TTN: variants seen among roughly 807,000 people sequenced by gnomAD.
TTN encodes the protein titin, also known as connectin.
In TTN, 1,525 loss-of-function variants were observed where a neutral mutation model predicts 3,223.0. The ratio of observed to expected loss-of-function variants is 0.47; its 90% CI spans 0.45 to 0.49. The LOEUF (loss-of-function observed/expected upper bound fraction) is 0.49. TTN is among the 20% of genes least tolerant of loss of function. TTN has a pLI of 0.00. For synonymous variants in TTN, 14,094 were observed against 15,161.0 expected, an observed-to-expected ratio of 0.93 and a Z score of 5.17; for missense variants, 40,786 against 43,424.0, an observed-to-expected ratio of 0.94 and a Z score of 5.40.
In TTN at chr2:178,739,077, C is replaced by G. The variant is rs1451816912; in HGVS notation, c.14092+64G>C. On this transcript the variant is annotated intron_variant, in intron 48 of 362. Coordinates refer to ENST00000589042, the MANE Select transcript of TTN (RefSeq NM_001267550.2). Reference sequence around the variant, plus strand: ...CAGATAAGTGAAAATTTAAGTGATGCAAGCTAAATCATTACAATCCAGTGA... The same window carrying G: ...CAGATAAGTGAAAATTTAAGTGATGGAAGCTAAATCATTACAATCCAGTGA... The G allele has an allele frequency of 5.5e-6, 8 of 1,448,406 alleles. No individual in the cohort carries two copies. The East Asian group carries it at 1.7e-4, about 30-fold the overall frequency. 89.7% of individuals were successfully genotyped at this position (1,448,406 alleles called of 1,614,324 possible).
rs763375724 is a variant in TTN at position 178,620,651 on chromosome 2, G to A, written c.45896-26C>T. ...CTGTTGTAAAGGAGAAAAATATGTT[G>A]ATTTTAATTATTTTTATAACAGAAA... On this transcript the variant is annotated intron_variant, in intron 247 of 362. Coordinates refer to ENST00000589042, the MANE Select transcript of TTN (RefSeq NM_001267550.2). 2.1e-5 allele frequency: 34 copies of A among 1,600,740 alleles called. No individual in the cohort carries two copies. In the South Asian group the frequency reaches 3.8e-4, roughly 18 times the overall value.
chr2:178,581,712 T>G lies in TTN; in HGVS notation c.66556A>C (p.Ser22186Arg), dbSNP rs540482798. The G allele has an allele frequency of 1.2e-6, 2 of 1,611,220 alleles. No individual in the cohort carries two copies. The highest frequency in any genetic ancestry group is 2.2e-5 in the South Asian group (2 of 90,802). The change falls in exon 316 of 363, where the codon AGC becomes CGC. Residue 22186 changes from serine to arginine, a missense_variant. Physicochemically the swap from Ser to Arg is moderately radical, Grantham distance 110. Transcript: ENST00000589042. Reference sequence around the variant, plus strand: ...TCAACGAGATAACCAATGATAGGGCTGCCGCCGTCATAGGCTGGCTTGCCC... The same window carrying G: ...TCAACGAGATAACCAATGATAGGGCGGCCGCCGTCATAGGCTGGCTTGCCC... ...SWGKPAYDGGSPIIGYLVEVK... is the reference protein window; with the variant it reads ...SWGKPAYDGGRPIIGYLVEVK...
rs1033900652 is a variant in TTN at position 178,593,012 on chromosome 2, G to C, written c.59107C>G (p.Pro19703Ala). 10 of 1,613,312 alleles carry C rather than the reference G, an allele frequency of 6.2e-6. No homozygotes were observed. The highest frequency in any genetic ancestry group is 8.5e-6 in the Non-Finnish European group (10 of 1,179,626). Residue 19703 changes from proline (P) to alanine (A), a missense_variant, in exon 300 of 363, where the codon CCA becomes GCA. By Grantham distance (27) the Pro-to-Ala change is conservative (BLOSUM62 -1). Transcript: ENST00000589042. Reference protein sequence around the residue: ...TCNSVDLTWQPPRHDGGSKIL... With the variant: ...TCNSVDLTWQAPRHDGGSKIL... ...TTGCTCCCACCATCATGACGTGGTG[G>C]CTGCCAAGTTAGATCGACTGAATTG... is the stretch of plus-strand genomic sequence containing the variant.
In TTN at chr2:178,553,043, G is replaced by A; in HGVS notation, c.89857C>T (p.Leu29953Phe). The A allele has an allele frequency of 1.2e-6, 2 of 1,612,126 alleles. No individual in the cohort carries two copies. Among genetic ancestry groups the A allele is most frequent in the Non-Finnish European group, 1.7e-6 (2 of 1,179,710 alleles). ...KHVSRGTVTL[L>F]WDPPLIDGGS... ...CCATCAATGAGAGGAGGATCCCAGA[G>A]CAAAGTGACTGTGCCTCGAGAAACA... Residue 29953 changes from leucine (L) to phenylalanine (F), a missense_variant, in exon 335 of 363, where the codon CTC becomes TTC. Physicochemically the swap from Leu to Phe is conservative, Grantham distance 22. Coordinates refer to ENST00000589042, the MANE Select transcript of TTN (RefSeq NM_001267550.2).
In TTN at chr2:178,567,820, T is replaced by C. The variant is rs761696313; in HGVS notation, c.78312A>G (p.Glu26104=). ...TPEPIMVKRN[E]ITLQWTKPVY... ...CAGGTTTGGTCCACTGTAAAGTGAT[T>C]TCATTTCTTTTAACCATTATTGGTT... is the stretch of plus-strand genomic sequence containing the variant. Residue 26104 remains glutamate (E), a synonymous_variant, in exon 326 of 363, where the codon GAA becomes GAG. Transcript: ENST00000589042. The C allele has an allele frequency of 6.8e-6, 11 of 1,613,458 alleles. No individual in the cohort carries two copies. The Admixed American group carries it at 1.0e-4, about 15-fold the overall frequency.
chr2:178,770,270 T>C lies in TTN; in HGVS notation c.8431A>G (p.Thr2811Ala), dbSNP rs1574566372. ...PKDVTALENA[T>A]VAFEVSVSHD... ...GAAACACTAACTTCAAAGGCAACAG[T>C]GGCATTTTCCAAGGCTGTCACATCC... The change falls in exon 36 of 363, where the codon ACT (threonine) becomes GCT (alanine). Residue 2811 changes from threonine to alanine, a missense_variant. Transcript: ENST00000589042. The C allele has an allele frequency of 6.2e-7, 1 of 1,614,160 alleles. No homozygotes were observed. The highest frequency in any genetic ancestry group is 8.5e-7 in the Non-Finnish European group (1 of 1,180,010).
Position 178,599,587 on chromosome 2 carries a change from T to C in TTN, c.56314A>G (p.Thr18772Ala), listed in dbSNP as rs964263107. The C allele has an allele frequency of 1.9e-6, 3 of 1,595,850 alleles. No homozygotes were observed. The African/African-American group carries it at 4.0e-5, about 21-fold the overall frequency. ...YTITAVNNLG[T>A]ASKEMRLNVL... ...TTCAGTCTCATCTCCTTTGATGCTG[T>C]TCCCAGATTATTTACAGCTGTGATG... Residue 18772 changes from threonine (T) to alanine (A), a missense_variant, in exon 289 of 363, where the codon ACA becomes GCA. Physicochemically the swap from Thr to Ala is moderately conservative, Grantham distance 58. Coordinates refer to ENST00000589042, the MANE Select transcript of TTN (RefSeq NM_001267550.2).
At chr2:178,679,014 CG>C (rs1200661249) in intron 142 of TTN, among the ~76,000 whole-genome samples, 184 bp from the exon 143 acceptor site, 1 of 151,578 alleles carries the variant, frequency 6.6e-6, no homozygotes, top group Non-Finnish European at 1.5e-5. Context: ...TAAAAAACAC[CG>C]AAAAAAACGT....
chr2:178,595,984 CTTT>C (rs762808998), intron 294 of TTN, among the ~76,000 whole-genome samples, 175 bp from the exon 295 acceptor site: 4 of 114,508 alleles, frequency 3.5e-5, no homozygotes, highest in Admixed American at 9.2e-5. Context: ...CAGTCAACCA[CTTT>C]TTTTTTTTTT....
rs866383926 is a variant in TTN, at chr2:178,748,518, G to T, written c.11311+4606C>A. 8 of 1,612,888 alleles carry T rather than the reference G, an allele frequency of 5.0e-6. No homozygotes were observed. In the Admixed American group the frequency reaches 1.3e-4, roughly 27 times the overall value. ...TCTTGCCCTTGGAACTCCAGAGCTGGATCTCCTATATGAGAATACATTTGT... is the reference window on the plus strand; with the variant it reads ...TCTTGCCCTTGGAACTCCAGAGCTGTATCTCCTATATGAGAATACATTTGT... On this transcript the variant is annotated intron_variant, in intron 47 of 362. Transcript: ENST00000589042.
Position 178,561,726 on chromosome 2 carries a change from C to T in TTN, c.84406G>A (p.Gly28136Arg), listed in dbSNP as rs879234686. 2 of 1,611,902 alleles carry T rather than the reference C, an allele frequency of 1.2e-6. No homozygotes were observed. The highest frequency in any genetic ancestry group is 2.7e-5 in the African/African-American group (2 of 74,818). Residue 28136 changes from glycine to arginine, a missense_variant, in exon 326 of 363, where the codon GGA becomes AGA. Gly to Arg is a moderately radical substitution (Grantham distance 125). Transcript: ENST00000589042. ...GAAGATTCACTGTAGGAGCTCTTTC[C>T]ATAGCGGTTTTCTGCACAAACACGG... ...QFRVCAENRY[G>R]KSSYSESSAV...
Position 178,747,087 on chromosome 2 carries a change from G to A in TTN, c.11312-5166C>T, listed in dbSNP as rs376396183. ...GCCTCCCCTGGGGGTGTGGAATATC[G>A]CTCTAGAGTCTCTCCTGGGGGTGTG... On this transcript the variant is annotated intron_variant, in intron 47 of 362. Transcript: ENST00000589042. 1.4e-5 allele frequency: 23 copies of A among 1,594,496 alleles called. No individual in the cohort carries two copies. The East Asian group carries it at 2.3e-4, about 16-fold the overall frequency.
chr2:178,794,283 GC>G, intron 8 of TTN, 115 bp downstream of exon 8: 1 of 1,484,816 alleles, frequency 6.7e-7, no homozygotes, highest in African/African-American at 1.4e-5. Flanking sequence ...TGGGCTCAAG[GC>G]TGTCTTCAGA....
chr2:178,649,405 AT>A, intron 212 of TTN, 74 bp from the exon 213 acceptor site: 2 of 1,335,538 alleles, frequency 1.5e-6, no homozygotes, highest in Non-Finnish European at 2.0e-6. Flanking sequence ...AAAAACCTGT[AT>A]TTATTGGAGC....
intron 354 of TTN, 135 bp from the exon 355 acceptor site, chr2:178,538,052 A>G: frequency 5.8e-6 from 5 of 863,670 alleles, no homozygotes; most frequent in Non-Finnish European, 8.6e-6. Context: ...ATTCTTAAAA[A>G]CTCTTTGAAG....
chr2:178,751,469 TTG>T, intron 47 of TTN: 1 of 1,613,310 alleles, frequency 6.2e-7, no homozygotes, highest in Non-Finnish European at 8.5e-7. Context: ...ATCTTGTTTT[TTG>T]TTAAAGGGAG....
rs2154345699 is a variant in TTN at position 178,775,404 on chromosome 2, T to C, written c.6460A>G (p.Ile2154Val). The change falls in exon 28 of 363, where the codon ATC (isoleucine) becomes GTC (valine). Residue 2154 changes from isoleucine to valine, a missense_variant. Ile to Val is a conservative substitution (Grantham distance 29). Transcript: ENST00000589042. ...CTGGAGGTTTCTCCAGCTATGTTGATGGCTTTTACCATGATGCTGGCAGAG... is the reference window on the plus strand; with the variant it reads ...CTGGAGGTTTCTCCAGCTATGTTGACGGCTTTTACCATGATGCTGGCAGAG... ...EDSASIMVKA[I>V]NIAGETSSHA... 1.9e-6 allele frequency: 3 copies of C among 1,614,106 alleles called. No homozygotes were observed. Among genetic ancestry groups the C allele is most frequent in the African/African-American group, 1.3e-5 (1 of 75,056 alleles).
chr2:178,777,663 T>C, intron 25 of TTN, 41 bp downstream of exon 25: 1 of 1,613,860 alleles, frequency 6.2e-7, no homozygotes, highest in South Asian at 1.1e-5. Flanking sequence ...AGCTTGTTTT[T>C]GTGTTTTTAT....
chr2:178,774,941 G>A lies in TTN; in HGVS notation c.6770C>T (p.Thr2257Ile). 6.2e-7 allele frequency: 1 copy of A among 1,613,784 alleles called. No homozygotes were observed. Among genetic ancestry groups the A allele is most frequent in the East Asian group, 2.2e-5 (1 of 44,826 alleles). ...AATACCTTCAACAATAAGTTTAGCAGTCGTTTTGACATTTTCATCTTCCAC... is the reference window on the plus strand; with the variant it reads ...AATACCTTCAACAATAAGTTTAGCAATCGTTTTGACATTTTCATCTTCCAC... ...VLVEDENVKTTAKLIVEGAVV... is the reference protein window; with the variant it reads ...VLVEDENVKTIAKLIVEGAVV... The change falls in exon 29 of 363, where the codon ACT becomes ATT. Residue 2257 changes from threonine to isoleucine, a missense_variant. Coordinates refer to ENST00000589042, the MANE Select transcript of TTN (RefSeq NM_001267550.2).
Sources: allele counts gnomAD v4.1 joint callset (sites outside exome capture counted in the v4.1 genomes callset), GRCh38; gene constraint gnomAD v4.1.1; transcripts MANE v1.5; gene names NCBI Gene and HGNC (gene_info 2026-07-23, HGNC 2026-07-21).